Variants in TPR observed in about 807,000 individuals in gnomAD.
The protein encoded by TPR is nucleoprotein TPR.
In TPR, 51 loss-of-function variants were observed where a neutral mutation model predicts 316.1. That is an observed-to-expected ratio of 0.16 (90% CI 0.13 to 0.20). The LOEUF is 0.20. TPR is among the 10% of genes least tolerant of loss of function. The pLI is 1.00. For synonymous variants in TPR, 981 were observed against 914.7 expected (o/e 1.07, Z -1.31); for missense variants, 2,272 against 2,754.8 (o/e 0.82, Z 3.92).
At chr1:186,341,180 TAAC>T in intron 28 of TPR, 21 bp from the exon 29 acceptor site, 1 of 1,612,982 alleles carries the variant, frequency 6.2e-7, no homozygotes, top group Non-Finnish European at 8.5e-7. Context: ...TGCCAATATT[TAAC>T]AACAAATGTA....
At chr1:186,371,173 A>G in intron 2 of TPR, 130 bp from the exon 3 acceptor site, 1 of 690,220 alleles carries the variant, frequency 1.4e-6, no homozygotes, top group South Asian at 1.9e-5. Context: ...TGCATTGTAC[A>G]TCACATTCCA....
intron 29 of TPR, among the ~76,000 whole-genome samples, chr1:186,340,690 G>C (rs530666087): frequency 6.6e-6 from 1 of 151,964 alleles, no homozygotes; most frequent in East Asian, 1.9e-4. Context: ...CTTGGCTTCC[G>C]AAAGTGCTGG....
At chr1:186,351,074 A>G (rs1304831403) in intron 20 of TPR, among the ~76,000 whole-genome samples, 5 of 152,228 alleles carry the variant, frequency 3.3e-5, no homozygotes, top group Admixed American at 6.5e-5. Context: ...AAATCATTTT[A>G]AATTAACTTT....
At chr1:186,319,541 C>T (rs546656319) in intron 46 of TPR, among the ~76,000 whole-genome samples, 3 of 152,252 alleles carry the variant, frequency 2.0e-5, no homozygotes, top group African/African-American at 7.2e-5. Flanking sequence ...CACAAAATCA[C>T]ATAACATTTT....
chr1:186,367,931 T>C lies in TPR; in HGVS notation c.382A>G (p.Ile128Val), dbSNP rs1571640781. 1 of 1,611,560 alleles carries C rather than the reference T, an allele frequency of 6.2e-7. No homozygotes were observed. The highest frequency in any genetic ancestry group is 1.1e-5 in the South Asian group (1 of 91,060). ...TGAGATAGTCTCTCATTGGTTCTAATTAAGTCTCTTTTCTCAGCTTCTAAT... is the reference window on the plus strand; with the variant it reads ...TGAGATAGTCTCTCATTGGTTCTAACTAAGTCTCTTTTCTCAGCTTCTAAT... ...EELEAEKRDL[I>V]RTNERLSQEL... Residue 128 changes from isoleucine to valine, a missense_variant, in exon 4 of 51, where the codon ATT becomes GTT. Around this residue, in one of 10 missense-constraint regions of TPR, gnomAD observed 549 missense variants for 598.6 expected, o/e 0.92. Transcript: ENST00000367478.
At chr1:186,374,579 G>A (rs1434985588) in intron 1 of TPR, among the ~76,000 whole-genome samples, 1 of 152,250 alleles carries the variant, frequency 6.6e-6, no homozygotes, top group African/African-American at 2.4e-5. Context: ...GGCTTAGAGA[G>A]ATGGGTTCGC....
At chr1:186,360,491 T>C (rs1659153167) in intron 10 of TPR, 127 bp from the exon 11 acceptor site, 6 of 1,048,568 alleles carry the variant, frequency 5.7e-6, no homozygotes, top group Non-Finnish European at 8.1e-6. Flanking sequence ...TTTAAATACA[T>C]GACATCAAAA....
chr1:186,351,787 G>T (rs1188515555), intron 19 of TPR, among the ~76,000 whole-genome samples, 189 bp downstream of exon 19: 3 of 151,976 alleles, frequency 2.0e-5, no homozygotes, highest in Non-Finnish European at 2.9e-5. Flanking sequence ...CCAATGTATG[G>T]TTTCAATCAA....
Position 186,312,700 on chromosome 1 carries a change from GTCTGGCTCT to G in TPR, c.*1262_*1270del. The G allele has an allele frequency of 6.6e-7, 1 of 1,508,926 alleles. No individual in the cohort carries two copies. Among genetic ancestry groups the G allele is most frequent in the Admixed American group, 1.7e-5 (1 of 59,856 alleles). The allele number at this position is 1,508,926 out of a possible 1,614,324, so 93.5% of individuals were successfully genotyped here. On this transcript the variant is annotated 3_prime_UTR_variant, in exon 51 of 51. Coordinates refer to ENST00000367478, the MANE Select transcript of TPR (RefSeq NM_003292.3). Reference sequence around the variant, plus strand: ...CTAAAACTGAGATTAAAACTCAGATGTCTGGCTCTTTCCAAGATAGTACATTGCCTTTTA... The same window carrying G: ...CTAAAACTGAGATTAAAACTCAGATGTTCCAAGATAGTACATTGCCTTTTA...
rs2102041359 is a variant in TPR, at chr1:186,312,984, G to C, written c.*987C>G. ...AAAAATGCTGGCTGCAATGATGACT[G>C]AATGTGAGAAGTTACACTACGGTAC... On this transcript the variant is annotated 3_prime_UTR_variant, in exon 51 of 51. Transcript: ENST00000367478. 1 of 1,350,988 alleles carries C rather than the reference G, an allele frequency of 7.4e-7. No individual in the cohort carries two copies. Among genetic ancestry groups the C allele is most frequent in the Non-Finnish European group, 1.1e-6 (1 of 944,986 alleles). 83.7% of individuals were successfully genotyped at this position (1,350,988 alleles called of 1,614,324 possible).
Position 186,312,274 on chromosome 1 carries a change from A to T in TPR, c.*1697T>A, listed in dbSNP as rs1183788810. On this transcript the variant is annotated 3_prime_UTR_variant, in exon 51 of 51. Coordinates refer to ENST00000367478, the MANE Select transcript of TPR (RefSeq NM_003292.3). ...TATCCAGTGTATGGAGAAACGACAC[A>T]GGTTAGGAGACGTCGCTTTGAACGT... 1.9e-6 allele frequency: 3 copies of T among 1,614,026 alleles called. No homozygotes were observed. The highest frequency in any genetic ancestry group is 2.5e-6 in the Non-Finnish European group (3 of 1,179,944).
At chr1:186,316,140 T>C (rs1657605488) in intron 49 of TPR, among the ~76,000 whole-genome samples, 1 of 151,998 alleles carries the variant, frequency 6.6e-6, no homozygotes, top group Admixed American at 6.6e-5. Context: ...GCTAATTCTA[T>C]TGAGGAAAGC....
Position 186,325,336 on chromosome 1 carries a change from C to T in TPR, c.6112+428G>A, listed in dbSNP as rs77813743. 6.0e-3 allele frequency among the ~76,000 whole-genome samples: 913 copies of T among 152,248 alleles called. 13 individuals carry two copies. The highest frequency in any genetic ancestry group is 0.021 in the African/African-American group (856 of 41,552). ...TATCCAAGATTTAACAAAATATATG[C>T]TATATTGATCCAAAAATCTTTTATT... On this transcript the variant is annotated intron_variant, in intron 42 of 50. Coordinates refer to ENST00000367478, the MANE Select transcript of TPR (RefSeq NM_003292.3).
intron 4 of TPR, among the ~76,000 whole-genome samples, chr1:186,364,441 C>G (rs1659277748): frequency 1.3e-5 from 2 of 151,924 alleles, no homozygotes; most frequent in Non-Finnish European, 2.9e-5. Flanking sequence ...GCTACGCCAG[C>G]AAGCATAAAA....
rs371820864 is a variant in TPR at position 186,346,147 on chromosome 1, G to T, written c.3084C>A (p.Ser1028Arg). Residue 1028 changes from serine (S) to arginine (R), a missense_variant, in exon 23 of 51, where the codon AGC becomes AGA. Around this residue, in one of 10 missense-constraint regions of TPR, gnomAD observed 757 missense variants for 859.8 expected, o/e 0.88. Transcript: ENST00000367478. ...LQDDKRRAIE[S>R]MEQQLSELKK... ...TTAACCTATTTACCTGTTGTTCCAT[G>T]CTCTCTATGGCTCTTCTTTTATCAT... 6.2e-7 allele frequency: 1 copy of T among 1,605,742 alleles called. No homozygotes were observed. The highest frequency in any genetic ancestry group is 1.3e-5 in the African/African-American group (1 of 74,346).
chr1:186,343,617 G>T (rs1571618989), intron 26 of TPR, 144 bp from the exon 27 acceptor site: 1 of 812,510 alleles, frequency 1.2e-6, no homozygotes, highest in East Asian at 2.8e-5. Context: ...AATGGGAGAT[G>T]TATTTCTATT....
Position 186,327,575 on chromosome 1 carries a change from G to A in TPR, c.5774C>T (p.Ser1925Leu). Residue 1925 changes from serine to leucine, a missense_variant, in exon 40 of 51, where the codon TCA becomes TTA. By Grantham distance (145) the Ser-to-Leu change is moderately radical (BLOSUM62 -2). Transcript: ENST00000367478. ...GGATGAAGTTGTCGTCTGCTGATCT[G>A]ATTGAAGTGGCCCAAGATCTATTTG... The part of the protein sequence containing the change: ...SLQIDLGPLQ[S>L]DQQTTTSSQD... The A allele has an allele frequency of 6.2e-7, 1 of 1,612,736 alleles. No homozygotes were observed.
chr1:186,373,793 T>C (rs1659602628), intron 1 of TPR, among the ~76,000 whole-genome samples: 1 of 152,240 alleles, frequency 6.6e-6, no homozygotes, highest in Non-Finnish European at 1.5e-5. Flanking sequence ...AAAGTATTTA[T>C]TACACGAGAA....
In TPR at chr1:186,348,071, T is replaced by C. The variant is rs1300516040; in HGVS notation, c.2777-613A>G. Among the ~76,000 whole-genome samples, 5 of 152,140 alleles carry C rather than the reference T, an allele frequency of 3.3e-5. 1 individual carries two copies. Among genetic ancestry groups the C allele is most frequent in the Non-Finnish European group, 7.4e-5 (5 of 68,024 alleles). The stretch of plus-strand genomic sequence containing the variant: ...AAGAACAGAATAATAGCAATTTTTA[T>C]GGAACAAGGGAAGACAACCATAAGG... On this transcript the variant is annotated intron_variant, in intron 21 of 50. Transcript: ENST00000367478.
Sources: gnomAD v4.1 joint callset for allele counts (sites outside exome capture counted in the v4.1 genomes callset) on GRCh38, gnomAD v4.1.1 for gene constraint, gnomAD v4.1.1 regional missense constraint, MANE v1.5 for transcripts, NCBI Gene and HGNC (gene_info 2026-07-23, HGNC 2026-07-21) for gene names.